FHIT: variants seen among roughly 807,000 people sequenced by gnomAD.
FHIT encodes fragile histidine triad diadenosine triphosphatase, also known as bis(5'-adenosyl)-triphosphatase.
A neutral mutation model predicts 17.9 loss-of-function variants in FHIT; 19 were observed. The observed-to-expected ratio is 1.06, with a 90% CI of 0.74 to 1.56. The LOEUF (loss-of-function observed/expected upper bound fraction) is 1.56. Among genes scored for constraint, FHIT ranks in the 40% most tolerant of loss-of-function variants. FHIT has a pLI of 0.00. For synonymous variants in FHIT, 81 were observed against 69.7 expected (o/e 1.16, Z -0.81); for missense variants, 248 against 189.2 (o/e 1.31, Z -1.82).
chr3:60,301,038 C>T (rs1353613252), intron 5 of FHIT, among the ~76,000 whole-genome samples: 1 of 152,074 alleles, frequency 6.6e-6, no homozygotes, highest in Non-Finnish European at 1.5e-5. Context: ...TCTAGATTCC[C>T]CCGGATCCCT....
intron 8 of FHIT, among the ~76,000 whole-genome samples, chr3:59,875,641 T>C (rs1440279201): frequency 6.6e-6 from 1 of 152,214 alleles, no homozygotes; most frequent in Non-Finnish European, 1.5e-5. Flanking sequence ...GAAAATTTTA[T>C]AGTTTTTAGC....
At chr3:61,065,704 G>C (rs2034581982) in intron 2 of FHIT, among the ~76,000 whole-genome samples, 2 of 148,058 alleles carry the variant, frequency 1.4e-5, no homozygotes, top group South Asian at 4.3e-4. Context: ...GTACTAGTCA[G>C]AAAAAGGTTA....
chr3:59,979,908 AC>A (rs1708578090), intron 7 of FHIT, among the ~76,000 whole-genome samples: 1 of 152,178 alleles, frequency 6.6e-6, no homozygotes, highest in Admixed American at 6.6e-5. Context: ...GGGAGATGAA[AC>A]AGTAGCTCTT....
At chr3:60,430,864 T>C (rs2107294532) in intron 5 of FHIT, among the ~76,000 whole-genome samples, 1 of 152,196 alleles carries the variant, frequency 6.6e-6, no homozygotes, top group East Asian at 1.9e-4. Flanking sequence ...GTGGTGAGAT[T>C]CAGGGCAGTG....
chr3:60,032,058 T>C (rs1701025027), intron 5 of FHIT, among the ~76,000 whole-genome samples: 2 of 152,168 alleles, frequency 1.3e-5, no homozygotes, highest in South Asian at 4.1e-4. Flanking sequence ...CACACAATTA[T>C]GATGGTCATT....
At chr3:60,094,368 AC>A (rs1703852839) in intron 5 of FHIT, among the ~76,000 whole-genome samples, 1 of 152,262 alleles carries the variant, frequency 6.6e-6, no homozygotes, top group African/African-American at 2.4e-5. Context: ...TGACTCCTCA[AC>A]AAGAACAGCT....
chr3:60,966,452 G>A (rs567902620), intron 3 of FHIT, among the ~76,000 whole-genome samples: 27 of 152,280 alleles, frequency 1.8e-4, no homozygotes, highest in African/African-American at 5.8e-4. Context: ...TGTCCGACAA[G>A]CCCCAGTGAG....
At chr3:60,951,531 C>T (rs1312588045) in intron 3 of FHIT, among the ~76,000 whole-genome samples, 4 of 152,168 alleles carry the variant, frequency 2.6e-5, no homozygotes, top group Non-Finnish European at 5.9e-5. Context: ...TAACATTGCT[C>T]AGCTGGTTAA....
chr3:59,938,323 T>C (rs1190963767), intron 7 of FHIT, among the ~76,000 whole-genome samples: 1 of 152,174 alleles, frequency 6.6e-6, no homozygotes, highest in African/African-American at 2.4e-5. Context: ...CACATGATCT[T>C]ACTTAAATGT....
intron 5 of FHIT, among the ~76,000 whole-genome samples, chr3:60,129,042 C>CCTTTTTTTTTTTT (rs1553692314): frequency 1.8e-5 from 2 of 113,060 alleles, no homozygotes; most frequent in African/African-American, 6.8e-5. Context: ...TTCTTCTTTC[C>CCTTTTTTTTTTTT]TTTTTTGTTT....
At chr3:60,397,757 T>A (rs1041477558) in intron 5 of FHIT, among the ~76,000 whole-genome samples, 2 of 152,200 alleles carry the variant, frequency 1.3e-5, no homozygotes, top group African/African-American at 4.8e-5. Flanking sequence ...GTTAAATGCT[T>A]GGACTGGATT....
At chr3:60,713,761 T>A (rs1299917027) in intron 4 of FHIT, among the ~76,000 whole-genome samples, 1 of 152,030 alleles carries the variant, frequency 6.6e-6, no homozygotes, top group African/African-American at 2.4e-5. Flanking sequence ...AATAGACCAA[T>A]AACAGGATCT....
chr3:60,888,907 ACCT>A (rs1476717164), intron 3 of FHIT, among the ~76,000 whole-genome samples: 1 of 152,202 alleles, frequency 6.6e-6, no homozygotes, highest in Non-Finnish European at 1.5e-5. Flanking sequence ...GATACAATCC[ACCT>A]CAGATTTCAC....
chr3:59,834,768 T>G (rs1041808049), intron 8 of FHIT, among the ~76,000 whole-genome samples: 2 of 152,204 alleles, frequency 1.3e-5, no homozygotes, highest in Non-Finnish European at 2.9e-5. Flanking sequence ...CATATGAATT[T>G]TGAAGGACAC....
chr3:60,835,700 C>T (rs1003011440), intron 3 of FHIT, among the ~76,000 whole-genome samples: 3 of 152,172 alleles, frequency 2.0e-5, no homozygotes, highest in South Asian at 2.1e-4. Context: ...CTTCTATAGC[C>T]TCAACCTCCT....
chr3:60,004,868 A>C (rs945050346), intron 7 of FHIT, among the ~76,000 whole-genome samples: 3 of 152,122 alleles, frequency 2.0e-5, no homozygotes, highest in African/African-American at 7.2e-5. Flanking sequence ...ATGTATTGAG[A>C]CTTTACTATG....
intron 7 of FHIT, among the ~76,000 whole-genome samples, chr3:59,997,216 C>T (rs182711479): frequency 2.0e-5 from 3 of 152,220 alleles, no homozygotes; most frequent in African/African-American, 7.2e-5. Flanking sequence ...GGATAAAAAT[C>T]ATGCCATGTA....
rs1403595629 is a variant in FHIT at position 60,875,369 on chromosome 3, C to T, written c.-110-53358G>A. Among the ~76,000 whole-genome samples, 3 of 152,284 alleles carry T rather than the reference C, an allele frequency of 2.0e-5. No individual in the cohort carries two copies. In the East Asian group the frequency reaches 5.8e-4, roughly 29 times the overall value. ...CTACTCCCACTTTCCAAGTTAACCA[C>T]TTAATTGAATGGCTGCCCATCAACA... On this transcript the variant is annotated intron_variant, in intron 3 of 9. Coordinates refer to ENST00000492590, the MANE Select transcript of FHIT (RefSeq NM_002012.4).
intron 3 of FHIT, among the ~76,000 whole-genome samples, chr3:60,895,842 T>C (rs1275692958): frequency 6.6e-6 from 1 of 151,602 alleles, no homozygotes; most frequent in Non-Finnish European, 1.5e-5. Context: ...TCAGTTTTTA[T>C]TTTCTGGCAC....
Sources: allele counts gnomAD v4.1 joint callset (sites outside exome capture counted in the v4.1 genomes callset), GRCh38; gene constraint gnomAD v4.1.1; transcripts MANE v1.5; gene names NCBI Gene and HGNC (gene_info 2026-07-23, HGNC 2026-07-21).